The following ERC1 variants were observed in gnomAD, a reference collection of about 807,000 sequenced individuals.
ERC1 encodes ELKS/RAB6-interacting/CAST family member 1, also known as RAB6 interacting protein 2.
Under a neutral mutation model 132.0 loss-of-function variants are expected in ERC1, and 56 were observed. The observed-to-expected ratio is 0.42, with a 90% confidence interval of 0.34 to 0.53. The LOEUF (loss-of-function observed/expected upper bound fraction) is 0.53, where lower values mean the gene tolerates loss of function less well. ERC1 is among the 20% of genes least tolerant of loss of function. ERC1 has a pLI of 0.03. For missense variants in ERC1, 1,202 were observed against 1,349.9 expected (o/e 0.89, Z 1.72); for synonymous variants, 478 against 476.1 (o/e 1.00, Z -0.05).
chr12:1,075,361 C>T (rs964063158), intron 2 of ERC1, among the ~76,000 whole-genome samples: 1 of 152,054 alleles, frequency 6.6e-6, no homozygotes, highest in Admixed American at 6.6e-5. Context: ...TATGTATATA[C>T]TGCATTCTTT....
chr12:1,445,913 A>T (rs2093292195), intron 18 of ERC1, among the ~76,000 whole-genome samples: 1 of 152,172 alleles, frequency 6.6e-6, no homozygotes, highest in African/African-American at 2.4e-5. Context: ...AGCAGCAGAC[A>T]TTTATTGCTT....
chr12:1,404,644 A>G (rs572243688), intron 16 of ERC1, among the ~76,000 whole-genome samples: 2 of 152,066 alleles, frequency 1.3e-5, no homozygotes, highest in South Asian at 4.2e-4. Flanking sequence ...GTTCCTCGTT[A>G]TTTTCTTTTT....
At chr12:1,209,720 C>T (rs774720343) in intron 12 of ERC1, among the ~76,000 whole-genome samples, 8 of 152,138 alleles carry the variant, frequency 5.3e-5, no homozygotes, top group African/African-American at 9.7e-5. Flanking sequence ...TTCTACCTTT[C>T]GAAAAGCTCC....
chr12:1,243,709 C>T (rs1458181786), intron 13 of ERC1, among the ~76,000 whole-genome samples: 2 of 152,110 alleles, frequency 1.3e-5, no homozygotes, highest in African/African-American at 2.4e-5. Context: ...GGGGTGCTAC[C>T]GGCATCTAGT....
intron 12 of ERC1, among the ~76,000 whole-genome samples, chr12:1,225,441 C>G (rs1407715502): frequency 1.0e-5 from 1 of 98,544 alleles, no homozygotes; most frequent in Non-Finnish European, 1.9e-5. Flanking sequence ...CAAAATGAGG[C>G]TGTCTCTTAC....
intron 7 of ERC1, among the ~76,000 whole-genome samples, chr12:1,130,350 T>C (rs938392633): frequency 6.6e-6 from 1 of 152,142 alleles, no homozygotes; most frequent in African/African-American, 2.4e-5. Context: ...GGTTTTCACA[T>C]AGAGTTATAA....
intron 12 of ERC1, among the ~76,000 whole-genome samples, chr12:1,226,904 T>G (rs1027647786): frequency 1.3e-5 from 2 of 152,356 alleles, no homozygotes; most frequent in South Asian, 4.1e-4. Context: ...CTCAAACTTC[T>G]GGCCTCAAGT....
chr12:1,196,951 CACACACACACATAT>C lies in ERC1; in HGVS notation c.2351+6901_2351+6914del, dbSNP rs1376093326. Among the ~76,000 whole-genome samples, 106 of 35,560 alleles carry C rather than the reference CACACACACACATAT, an allele frequency of 3.0e-3. 3 individuals are homozygous for C. Among genetic ancestry groups the C allele is most frequent in the African/African-American group, 0.013 (31 of 2,376 alleles). 23.3% of individuals were successfully genotyped at this position (35,560 alleles called of 152,430 possible). A position where few individuals can be genotyped will look rare whatever the true frequency, so the allele number is the denominator to read the frequency against. On this transcript the variant is annotated intron_variant, in intron 12 of 18. Coordinates refer to ENST00000360905, the MANE Select transcript of ERC1 (RefSeq NM_178040.4). Reference sequence around the variant, plus strand: ...ACACACACACACACACACACACACACACACACACACATATATATATATATATTTTTTTTTTTTTT... The same window carrying C: ...ACACACACACACACACACACACACACATATATATATATTTTTTTTTTTTTT...
chr12:1,407,054 A>G (rs1219463495), intron 16 of ERC1, among the ~76,000 whole-genome samples: 1 of 152,214 alleles, frequency 6.6e-6, no homozygotes, highest in Non-Finnish European at 1.5e-5. Flanking sequence ...CTTACTCTGC[A>G]GAGTTAATTT....
intron 13 of ERC1, among the ~76,000 whole-genome samples, chr12:1,238,027 CTGAT>C (rs1240441022): frequency 6.6e-6 from 1 of 152,142 alleles, no homozygotes; most frequent in Non-Finnish European, 1.5e-5. Context: ...GTAACTTTTA[CTGAT>C]TATGTTTATA....
chr12:1,225,588 G>A (rs2074517514), intron 12 of ERC1, among the ~76,000 whole-genome samples: 1 of 152,052 alleles, frequency 6.6e-6, no homozygotes, highest in Non-Finnish European at 1.5e-5. Flanking sequence ...TTTATGATTT[G>A]TAGGTAAAGT....
chr12:1,006,942 T>G (rs1963730226), intron 1 of ERC1, among the ~76,000 whole-genome samples: 1 of 150,164 alleles, frequency 6.7e-6, no homozygotes, highest in Admixed American at 6.7e-5. Flanking sequence ...AATATATATG[T>G]GTATATAGTA....
chr12:1,253,430 A>C (rs746253060), intron 13 of ERC1, among the ~76,000 whole-genome samples: 3 of 152,196 alleles, frequency 2.0e-5, no homozygotes, highest in Non-Finnish European at 2.9e-5. Context: ...TAATCCCAGC[A>C]CTTTGGGAAG....
intron 12 of ERC1, among the ~76,000 whole-genome samples, chr12:1,229,585 T>C (rs963827252): frequency 6.6e-6 from 1 of 152,230 alleles, no homozygotes; most frequent in African/African-American, 2.4e-5. Context: ...TCATTTCTTC[T>C]AGGTTATCCA....
chr12:1,016,644 T>TC (rs1407339553), intron 1 of ERC1, among the ~76,000 whole-genome samples: 3 of 150,960 alleles, frequency 2.0e-5, no homozygotes, highest in Non-Finnish European at 4.4e-5. Context: ...TCTTTTTTTT[T>TC]TTTTTTTTGA....
chr12:1,202,680 A>G (rs1957023011), intron 12 of ERC1, among the ~76,000 whole-genome samples: 2 of 152,106 alleles, frequency 1.3e-5, no homozygotes, highest in African/African-American at 4.8e-5. Context: ...AAGAGTTGTA[A>G]TTTGATGCTA....
intron 18 of ERC1, among the ~76,000 whole-genome samples, chr12:1,454,659 A>C (rs563674731): frequency 5.8e-4 from 89 of 152,168 alleles, no homozygotes; most frequent in Non-Finnish European, 1.2e-3. Context: ...ATAATAATTA[A>C]AGTCTTCTTT....
chr12:1,336,871 C>T (rs2083361898), intron 15 of ERC1, among the ~76,000 whole-genome samples: 1 of 151,856 alleles, frequency 6.6e-6, no homozygotes, highest in South Asian at 2.1e-4. Context: ...AGTCTCGGCT[C>T]ACTGCAACCT....
chr12:1,461,891 A>G (rs2093652005), intron 18 of ERC1, among the ~76,000 whole-genome samples: 1 of 152,188 alleles, frequency 6.6e-6, no homozygotes, highest in South Asian at 2.1e-4. Flanking sequence ...ACTTCTATTC[A>G]TCAACACTGG....
Sources: allele counts gnomAD v4.1 joint callset (sites outside exome capture counted in the v4.1 genomes callset), GRCh38; gene constraint gnomAD v4.1.1; transcripts MANE v1.5; gene names NCBI Gene and HGNC (gene_info 2026-07-23, HGNC 2026-07-21).